TULP4: variants seen among roughly 807,000 people sequenced by gnomAD.
TULP4 encodes the protein TUB like protein 4, also known as tubby-related protein 4.
Under a neutral mutation model 129.0 loss-of-function variants are expected in TULP4, and 16 were observed. The ratio of observed to expected loss-of-function variants is 0.12; its 90% CI spans 0.08 to 0.19. TULP4 has a LOEUF of 0.19. Among genes scored for constraint, TULP4 ranks in the 10% least tolerant of loss-of-function variants. The pLI is 1.00. For synonymous variants in TULP4, 998 were observed against 854.0 expected (o/e 1.17, Z -2.94); for missense variants, 1,842 against 2,059.1 (o/e 0.89, Z 2.04).
chr6:158,494,861 C>T lies in TULP4; in HGVS notation c.1870+15C>T. 1 of 1,610,160 alleles carries T rather than the reference C, an allele frequency of 6.2e-7. No homozygotes were observed. The stretch of plus-strand genomic sequence containing the variant: ...CCTCGGTGCAGGTAAAAATCATGTC[C>T]TCTTCTCTCATTGTCCCAGTTGGAA... On this transcript the variant is annotated intron_variant, in intron 11 of 13. Coordinates refer to ENST00000367097, the MANE Select transcript of TULP4 (RefSeq NM_020245.5).
At position 158,288,780 on chromosome 6, in the gene TULP4, G is replaced by A. The variant is rs1319961730; in HGVS notation, n.116+6402G>A. On this transcript the variant is annotated intron_variant and non_coding_transcript_variant, in intron 1 of 1. Transcript: ENST00000432358. ...CTCCCAAAGTGCTGGGATTACAGGCGTGAGCCACCGCGCCCAGCCATGAGT... is the reference window on the plus strand; with the variant it reads ...CTCCCAAAGTGCTGGGATTACAGGCATGAGCCACCGCGCCCAGCCATGAGT... Among the ~76,000 whole-genome samples the A allele has an allele frequency of 3.9e-5, 6 of 152,104 alleles. No individual in the cohort carries two copies. In the South Asian group the frequency reaches 1.0e-3, roughly 26 times the overall value.
chr6:158,232,920 C>A (rs1011736246), intron 1 of TULP4, among the ~76,000 whole-genome samples: 7 of 152,244 alleles, frequency 4.6e-5, no homozygotes, highest in South Asian at 2.1e-4. Flanking sequence ...CTTCTGCTGT[C>A]TGGAGTCTGT....
At chr6:158,424,701 T>C (rs895705211) in intron 2 of TULP4, among the ~76,000 whole-genome samples, 7 of 152,352 alleles carry the variant, frequency 4.6e-5, no homozygotes, top group South Asian at 2.1e-4. Context: ...TTCCAATTTT[T>C]ATTCAAAGTT....
chr6:158,467,413 G>GGT (rs1779578307), intron 6 of TULP4, among the ~76,000 whole-genome samples: 1 of 151,762 alleles, frequency 6.6e-6, no homozygotes, highest in South Asian at 2.1e-4. Context: ...CCGAGTAGCT[G>GGT]GTATTACAGG....
rs902056398 is a variant in TULP4 at position 158,314,386 on chromosome 6, A to G, written c.252+118A>G. 6.0e-4 allele frequency: 737 copies of G among 1,229,832 alleles called. 2 individuals are homozygous for G. Among genetic ancestry groups the G allele is most frequent in the Non-Finnish European group, 7.5e-4 (665 of 880,918 alleles). The allele number at this position is 1,229,832 out of a possible 1,614,324, so 76.2% of individuals were successfully genotyped here. ...GACTTGCTGCCTAGTGAGACTTCCC[A>G]TGCTGTGAGTTCTGTCTCTTATTCT... is the stretch of plus-strand genomic sequence containing the variant. On this transcript the variant is annotated intron_variant, in intron 1 of 13. Transcript: ENST00000367097.
intron 1 of TULP4, among the ~76,000 whole-genome samples, chr6:158,411,709 T>C (rs1778104256): frequency 6.6e-6 from 1 of 152,072 alleles, no homozygotes; most frequent in Non-Finnish European, 1.5e-5. Flanking sequence ...TTCCTGGGGG[T>C]TCCTCCTAGC....
rs1305753242 is a variant in TULP4 at position 158,239,202 on chromosome 6, C to G, written n.68+6899C>G. On this transcript the variant is annotated intron_variant and non_coding_transcript_variant, in intron 1 of 1. Transcript: ENST00000620026. Reference sequence around the variant, plus strand: ...CGGGGGGCTGACCCCCCCCACCTCCCTCCCGGACGGGACGGCTGGCCGGGC... The same window carrying G: ...CGGGGGGCTGACCCCCCCCACCTCCGTCCCGGACGGGACGGCTGGCCGGGC... 2.0e-5 allele frequency among the ~76,000 whole-genome samples: 2 copies of G among 99,484 alleles called. 1 individual carries two copies. The highest frequency in any genetic ancestry group is 7.1e-5 in the African/African-American group (2 of 27,984). The allele number at this position is 99,484 out of a possible 152,430, so 65.3% of individuals were successfully genotyped here. A position where few individuals can be genotyped will look rare whatever the true frequency, so the allele number is the denominator to read the frequency against.
intron 1 of TULP4, among the ~76,000 whole-genome samples, chr6:158,408,224 A>C (rs895075708): frequency 3.9e-5 from 6 of 152,178 alleles, no homozygotes; most frequent in African/African-American, 1.2e-4. Flanking sequence ...TTGGAACTTC[A>C]GGGAAGGCTT....
chr6:158,276,526 T>G (rs1778649567), intron 1 of TULP4, among the ~76,000 whole-genome samples: 1 of 151,774 alleles, frequency 6.6e-6, no homozygotes, highest in African/African-American at 2.4e-5. Context: ...AACTCCTCCT[T>G]CTTCTAAAGC....
chr6:158,417,070 A>T (rs185070987), intron 2 of TULP4, among the ~76,000 whole-genome samples: 2 of 152,320 alleles, frequency 1.3e-5, no homozygotes, highest in East Asian at 1.9e-4. Flanking sequence ...GCCTAATGAC[A>T]TACTTGTTAG....
At chr6:158,424,391 A>G (rs1583861016) in intron 2 of TULP4, among the ~76,000 whole-genome samples, 1 of 152,242 alleles carries the variant, frequency 6.6e-6, no homozygotes, top group Non-Finnish European at 1.5e-5. Flanking sequence ...CTGGGACTAC[A>G]GATGCGCACT....
intron 2 of TULP4, among the ~76,000 whole-genome samples, chr6:158,426,574 T>C (rs1778499521): frequency 6.6e-6 from 1 of 152,180 alleles, no homozygotes; most frequent in Admixed American, 6.6e-5. Flanking sequence ...GTTCCATTGG[T>C]CTGTGTGTCG....
At chr6:158,477,426 C>G (rs1562582950) in intron 6 of TULP4, among the ~76,000 whole-genome samples, 1 of 152,002 alleles carries the variant, frequency 6.6e-6, no homozygotes, top group Admixed American at 6.6e-5. Flanking sequence ...ACTGTTTTTC[C>G]AAACAACCTC....
chr6:158,501,239 A>G (rs1467263634), intron 12 of TULP4, among the ~76,000 whole-genome samples: 2 of 152,140 alleles, frequency 1.3e-5, no homozygotes, highest in African/African-American at 4.8e-5. Context: ...CACACTATCC[A>G]TCCCATAATC....
chr6:158,396,340 G>A (rs982130611), intron 1 of TULP4, among the ~76,000 whole-genome samples: 2 of 152,042 alleles, frequency 1.3e-5, no homozygotes, highest in African/African-American at 2.4e-5. Context: ...TCACCCTTGC[G>A]TAAAAGCAAT....
At chr6:158,317,053 C>T (rs1346981035) in intron 1 of TULP4, among the ~76,000 whole-genome samples, 2 of 152,224 alleles carry the variant, frequency 1.3e-5, no homozygotes, top group East Asian at 3.9e-4. Context: ...ACTGGGTGTG[C>T]ATACCAGGGG....
At chr6:158,492,129 C>A (rs1275284416) in intron 9 of TULP4, among the ~76,000 whole-genome samples, 10 of 152,060 alleles carry the variant, frequency 6.6e-5, no homozygotes, top group Non-Finnish European at 1.5e-4. Flanking sequence ...AAGTGCTGGG[C>A]TTACAGGTGT....
intron 5 of TULP4, among the ~76,000 whole-genome samples, chr6:158,454,643 T>G (rs1261635442): frequency 1.3e-5 from 2 of 151,908 alleles, no homozygotes; most frequent in African/African-American, 4.8e-5. Context: ...TTTGCTCTTG[T>G]TGCCCAGGCT....
At chr6:158,397,745 G>A (rs1023214775) in intron 1 of TULP4, 3 of 152,230 alleles carry the variant, frequency 2.0e-5, no homozygotes, top group African/African-American at 7.2e-5. Flanking sequence ...ACGTGGCCGT[G>A]AAGCATGATT....
Sources: allele counts gnomAD v4.1 joint callset (sites outside exome capture counted in the v4.1 genomes callset), GRCh38; gene constraint gnomAD v4.1.1; transcripts MANE v1.5; gene names NCBI Gene and HGNC (gene_info 2026-07-23, HGNC 2026-07-21).